ELMO2: variants seen among roughly 807,000 people sequenced by gnomAD.
ELMO2 encodes engulfment and cell motility 2.
Under a neutral mutation model 96.2 loss-of-function variants are expected in ELMO2, and 37 were observed. The ratio of observed to expected loss-of-function variants is 0.38; its 90% confidence interval spans 0.30 to 0.51. The LOEUF is 0.51. ELMO2 is among the 20% of genes least tolerant of loss of function. The pLI, the probability that ELMO2 is intolerant of heterozygous loss-of-function variation, is 0.88. For synonymous variants in ELMO2, 315 were observed against 329.4 expected (o/e 0.96, Z 0.47); for missense variants, 561 against 912.6 (o/e 0.61, Z 4.96).
At chr20:46,388,277 C>T (rs927747216) in intron 7 of ELMO2, among the ~76,000 whole-genome samples, 7 of 152,200 alleles carry the variant, frequency 4.6e-5, no homozygotes, top group Admixed American at 3.3e-4. Flanking sequence ...GGCTTCAGGA[C>T]TTCAATACAG....
chr20:46,406,526 C>T (rs1054509927), intron 1 of ELMO2, 22 bp downstream of exon 1: 2 of 152,636 alleles, frequency 1.3e-5, no homozygotes, highest in Non-Finnish European at 2.9e-5. Context: ...GCGCCCCGAC[C>T]CCCAGGGCGC....
At chr20:46,391,382 G>C (rs1270122144) in intron 6 of ELMO2, among the ~76,000 whole-genome samples, 1 of 152,146 alleles carries the variant, frequency 6.6e-6, no homozygotes, top group Non-Finnish European at 1.5e-5. Context: ...TATCTCATGG[G>C]ATGTCTGTAA....
chr20:46,385,649 A>G lies in ELMO2; in HGVS notation c.677+475T>C, dbSNP rs190740973. Among the ~76,000 whole-genome samples, 37 of 152,326 alleles carry G rather than the reference A, an allele frequency of 2.4e-4. No homozygotes were observed. The East Asian group carries it at 6.9e-3, about 29-fold the overall frequency. On this transcript the variant is annotated intron_variant, in intron 9 of 21. Coordinates refer to ENST00000290246, the MANE Select transcript of ELMO2 (RefSeq NM_133171.5). ...ATTTCTTACAAATCACCCACAGTGC[A>G]TCGTCGGTTCAGTGAGCATTCATTC...
At chr20:46,374,098 GTTTTTTTTTTT>G (rs60843274) in intron 15 of ELMO2, among the ~76,000 whole-genome samples, 9 of 63,030 alleles carry the variant, frequency 1.4e-4, no homozygotes, top group Non-Finnish European at 2.3e-4. Flanking sequence ...CTAATTTTTG[GTTTTTTTTTTT>G]TTTTTTTTTT....
At position 46,394,086 on chromosome 20, in the gene ELMO2, G is replaced by A. The variant is rs148583859; in HGVS notation, c.82C>T (p.Arg28Trp). The change falls in exon 4 of 22, where the codon CGG (arginine) becomes TGG (tryptophan). Residue 28 changes from arginine to tryptophan, a missense_variant. By Grantham distance (101) the Arg-to-Trp change is moderately radical. Transcript: ENST00000290246. ...TCCTTGATAATGGATGCCAGGGGCC[G>A]TTTCTGAAAGAGAGAGAGAGAAAGC... ...NAQLLEIDQK[R>W]PLASIIKEVC... The A allele has an allele frequency of 3.4e-5, 55 of 1,613,436 alleles. No individual in the cohort carries two copies. The Admixed American group carries it at 5.5e-4, about 16-fold the overall frequency.
chr20:46,367,251 C>T lies in ELMO2; in HGVS notation c.*109G>A, dbSNP rs1171014282. Reference sequence around the variant, plus strand: ...GAAATGGCTGGCATTTACTGGCCACCAAAATCACTACAGATTCTGTACAAG... The same window carrying T: ...GAAATGGCTGGCATTTACTGGCCACTAAAATCACTACAGATTCTGTACAAG... On this transcript the variant is annotated 3_prime_UTR_variant, in exon 22 of 22. Coordinates refer to ENST00000290246, the MANE Select transcript of ELMO2 (RefSeq NM_133171.5). The T allele has an allele frequency of 1.8e-5, 21 of 1,146,998 alleles. No individual in the cohort carries two copies. The highest frequency in any genetic ancestry group is 2.3e-5 in the Non-Finnish European group (20 of 857,474). The allele number at this position is 1,146,998 out of a possible 1,614,324, so 71.1% of individuals were successfully genotyped here. A position where few individuals can be genotyped will look rare whatever the true frequency, so the allele number is the denominator to read the frequency against.
chr20:46,394,037 A>C lies in ELMO2; in HGVS notation c.119+12T>G. The stretch of plus-strand genomic sequence containing the variant: ...GCTGCCACTGTTGAAAACGAGGTCC[A>C]TTTCAACCTACCCATCACAAACTTC... On this transcript the variant is annotated intron_variant, in intron 4 of 21. Transcript: ENST00000290246. 1.2e-6 allele frequency: 2 copies of C among 1,614,034 alleles called. No homozygotes were observed.
intron 4 of ELMO2, 163 bp downstream of exon 4, chr20:46,393,886 G>C (rs1370013805): frequency 3.1e-6 from 3 of 958,108 alleles, no homozygotes; most frequent in Non-Finnish European, 3.1e-6. Context: ...CGTCTTAGGG[G>C]TATGGTTGTC....
intron 1 of ELMO2, among the ~76,000 whole-genome samples, chr20:46,406,082 C>A (rs2060435151): frequency 6.6e-6 from 1 of 152,164 alleles, no homozygotes; most frequent in South Asian, 2.1e-4. Flanking sequence ...CCAGCAGGAT[C>A]CACGGGGCGG....
rs746739573 is a variant in ELMO2, at chr20:46,389,014, G to A, written c.425+25C>T. 6.2e-6 allele frequency: 10 copies of A among 1,602,194 alleles called. No homozygotes were observed. In the African/African-American group the frequency reaches 1.1e-4, roughly 17 times the overall value. ...GATGTAGTAAATCGTCGAAGTCCTT[G>A]GAACGAGACCTTAGTCATACTCACT... On this transcript the variant is annotated intron_variant, in intron 7 of 21. Transcript: ENST00000290246.
At chr20:46,394,260 T>C (rs1367312315) in intron 3 of ELMO2, 145 bp downstream of exon 3, 1 of 1,139,702 alleles carries the variant, frequency 8.8e-7, no homozygotes, top group African/African-American at 1.5e-5. Context: ...CGACCTTCCC[T>C]AGGGTGGGCC....
At chr20:46,372,979 G>A (rs2297051) in intron 16 of ELMO2, 2 of 160,264 alleles carry the variant, frequency 1.2e-5, no homozygotes, top group African/African-American at 2.4e-5. Context: ...AGGACTGAAA[G>A]CACCGAGGGA....
chr20:46,399,575 G>A (rs2060302391), intron 1 of ELMO2, among the ~76,000 whole-genome samples: 1 of 152,138 alleles, frequency 6.6e-6, no homozygotes, highest in South Asian at 2.1e-4. Context: ...TCATACTTCC[G>A]TTAATGAGTA....
rs762523733 is a variant in ELMO2 at position 46,375,279 on chromosome 20, C to T, written c.1022G>A (p.Arg341His). The stretch of plus-strand genomic sequence containing the variant: ...GTAGTCCTTTGTGTACATGGCTTTG[C>T]GTTTTTCGGTCCCACTCCCAGGGGC... ...SNAPGSGTEK[R>H]KAMYTKDYKM... Residue 341 changes from arginine (R) to histidine (H), a missense_variant, in exon 13 of 22, where the codon CGC becomes CAC. Arg to His is a conservative substitution (Grantham distance 29, BLOSUM62 0). Coordinates refer to ENST00000290246, the MANE Select transcript of ELMO2 (RefSeq NM_133171.5). The surrounding 1 kb of genome is among the most constrained non-coding windows in gnomAD (Gnocchi z 4.6). The T allele has an allele frequency of 1.9e-6, 3 of 1,614,020 alleles. No individual in the cohort carries two copies. Among genetic ancestry groups the T allele is most frequent in the Non-Finnish European group, 2.5e-6 (3 of 1,180,046 alleles).
intron 19 of ELMO2, among the ~76,000 whole-genome samples, 193 bp from the exon 20 acceptor site, chr20:46,370,718 C>T (rs2059685538): frequency 6.6e-6 from 1 of 152,174 alleles, no homozygotes; most frequent in South Asian, 2.1e-4. Context: ...TTGGTCACTC[C>T]TGTAGACCAC....
intron 2 of ELMO2, among the ~76,000 whole-genome samples, chr20:46,394,981 G>A (rs1430118048): frequency 6.6e-6 from 1 of 152,134 alleles, no homozygotes; most frequent in Non-Finnish European, 1.5e-5. Context: ...GCATCAGCAG[G>A]GCCCAGCTAC....
In ELMO2 at chr20:46,398,346, C is replaced by G. The variant is rs574881356; in HGVS notation, c.-51+351G>C. On this transcript the variant is annotated intron_variant, in intron 2 of 21. Coordinates refer to ENST00000290246, the MANE Select transcript of ELMO2 (RefSeq NM_133171.5). The stretch of plus-strand genomic sequence containing the variant: ...TTTTTTTAAAAGATGGAGTCTTGCT[C>G]TTGTCGCCTAGGCTGAAGTGCAATG... 2.0e-5 allele frequency among the ~76,000 whole-genome samples: 3 copies of G among 152,044 alleles called. No individual in the cohort carries two copies. In the South Asian group the frequency reaches 6.2e-4, roughly 32 times the overall value.
intron 10 of ELMO2, among the ~76,000 whole-genome samples, chr20:46,381,717 T>A (rs1338642532): frequency 6.6e-6 from 1 of 152,166 alleles, no homozygotes; most frequent in African/African-American, 2.4e-5. Context: ...TCCCCTTTCA[T>A]CTCCTCGCAA....
At chr20:46,373,662 A>T (rs1282197157) in intron 15 of ELMO2, 127 bp from the exon 16 acceptor site, 2 of 1,200,804 alleles carry the variant, frequency 1.7e-6, no homozygotes, top group Non-Finnish European at 2.3e-6. Flanking sequence ...ATTAACAGGG[A>T]GCGTGGGATG....
Sources: gnomAD v4.1 joint callset for allele counts (sites outside exome capture counted in the v4.1 genomes callset) on GRCh38, gnomAD v4.1.1 for gene constraint, Gnocchi (gnomAD v3.1) non-coding constraint, MANE v1.5 for transcripts, NCBI Gene and HGNC (gene_info 2026-07-23, HGNC 2026-07-21) for gene names.